Variants in CPA6 observed in about 807,000 individuals in gnomAD.
The protein encoded by CPA6 is carboxypeptidase A6, also known as carboxypeptidase B.
CPA6 carries 58 observed loss-of-function variants against 63.3 expected under a neutral mutation model. That is an observed-to-expected ratio of 0.92 (90% CI 0.74 to 1.14). The LOEUF is 1.14. Ranked by LOEUF, CPA6 falls within the 50% of genes most tolerant of loss-of-function variation. The probability of loss-of-function intolerance (pLI) is 0.00; values close to 1 mark genes in which losing one functional copy is unlikely to be tolerated. For missense variants in CPA6, 565 were observed against 526.6 expected (o/e 1.07, Z -0.71); for synonymous variants, 185 against 179.0 (o/e 1.03, Z -0.27).
rs1458724121 is a variant in CPA6 at position 67,559,960 on chromosome 8, G to A, written c.193-41913C>T. ...AACTTCTACCATGTAAGGACACAGT[G>A]GGAAGATGCCATCTCTCAATCTGGA... On this transcript the variant is annotated intron_variant, in intron 2 of 10. Coordinates refer to ENST00000297770, the MANE Select transcript of CPA6 (RefSeq NM_020361.5). 2.6e-5 allele frequency among the ~76,000 whole-genome samples: 4 copies of A among 151,896 alleles called. No individual in the cohort carries two copies. In the East Asian group the frequency reaches 7.7e-4, roughly 29 times the overall value.
At chr8:67,745,757 C>T (rs1193546819) in intron 1 of CPA6, among the ~76,000 whole-genome samples, 1 of 152,170 alleles carries the variant, frequency 6.6e-6, no homozygotes, top group Admixed American at 6.5e-5. Context: ...AAGACAGAAT[C>T]CCATTCAACC....
At chr8:67,572,675 G>C (rs911657571) in intron 2 of CPA6, among the ~76,000 whole-genome samples, 3 of 152,132 alleles carry the variant, frequency 2.0e-5, no homozygotes, top group African/African-American at 7.2e-5. Context: ...TCAAGAACCT[G>C]AAGTCTTCAT....
At chr8:67,670,085 T>C (rs974611126) in intron 1 of CPA6, among the ~76,000 whole-genome samples, 8 of 152,248 alleles carry the variant, frequency 5.3e-5, no homozygotes, top group Non-Finnish European at 1.2e-4. Context: ...ATCTCTCCAA[T>C]TACCCATCTA....
intron 8 of CPA6, among the ~76,000 whole-genome samples, chr8:67,455,250 G>A (rs536957269): frequency 3.3e-5 from 5 of 152,110 alleles, no homozygotes; most frequent in African/African-American, 7.2e-5. Flanking sequence ...ACGAAGCAGC[G>A]CAGTGACAGG....
At chr8:67,655,731 A>C (rs959977953) in intron 1 of CPA6, among the ~76,000 whole-genome samples, 3 of 151,962 alleles carry the variant, frequency 2.0e-5, no homozygotes, top group African/African-American at 7.3e-5. Context: ...CCCCTGTGTG[A>C]CTCTAAGGGC....
At chr8:67,480,268 T>A (rs1811330185) in intron 8 of CPA6, among the ~76,000 whole-genome samples, 1 of 152,124 alleles carries the variant, frequency 6.6e-6, no homozygotes, top group Non-Finnish European at 1.5e-5. Flanking sequence ...TTTCAGTATA[T>A]TCACAATTGT....
chr8:67,586,568 G>C (rs1813943384), intron 2 of CPA6, among the ~76,000 whole-genome samples: 1 of 152,156 alleles, frequency 6.6e-6, no homozygotes, highest in African/African-American at 2.4e-5. Context: ...ACCTCAGCGG[G>C]TAATGATAAT....
At chr8:67,445,908 C>T (rs1810399916) in intron 8 of CPA6, among the ~76,000 whole-genome samples, 1 of 151,964 alleles carries the variant, frequency 6.6e-6, no homozygotes, top group Non-Finnish European at 1.5e-5. Context: ...GAAAAAAGAA[C>T]ATGCAATTGT....
chr8:67,710,419 C>T (rs977794050), intron 1 of CPA6, among the ~76,000 whole-genome samples: 6 of 149,840 alleles, frequency 4.0e-5, no homozygotes, highest in Non-Finnish European at 8.9e-5. Context: ...CCCCAACCCC[C>T]CACCCCGAAA....
At chr8:67,631,338 T>C (rs1815324492) in intron 1 of CPA6, among the ~76,000 whole-genome samples, 1 of 152,246 alleles carries the variant, frequency 6.6e-6, no homozygotes, top group East Asian at 1.9e-4. Flanking sequence ...TATGTCTAGC[T>C]AGAGGATTGT....
intron 2 of CPA6, among the ~76,000 whole-genome samples, chr8:67,537,018 A>G (rs973961425): frequency 1.6e-4 from 24 of 152,266 alleles, no homozygotes; most frequent in African/African-American, 4.1e-4. Context: ...TGTATGTTAA[A>G]CCAGACTTGC....
intron 8 of CPA6, among the ~76,000 whole-genome samples, chr8:67,457,806 G>A (rs886518059): frequency 1.3e-5 from 2 of 152,030 alleles, no homozygotes; most frequent in Non-Finnish European, 2.9e-5. Flanking sequence ...GTTCTCTTCT[G>A]TAGACCCCAC....
intron 2 of CPA6, among the ~76,000 whole-genome samples, chr8:67,552,471 G>C (rs530096311): frequency 3.4e-4 from 52 of 152,160 alleles, no homozygotes; most frequent in African/African-American, 1.2e-3. Context: ...TAGTACTTTT[G>C]AACATATTAT....
At chr8:67,435,370 C>T (rs992664698) in intron 8 of CPA6, among the ~76,000 whole-genome samples, 25 of 151,972 alleles carry the variant, frequency 1.6e-4, no homozygotes, top group African/African-American at 4.8e-4. Context: ...TCTCGCCATC[C>T]CTCCCCCCAG....
At chr8:67,546,791 C>T (rs558524636) in intron 2 of CPA6, among the ~76,000 whole-genome samples, 47 of 152,268 alleles carry the variant, frequency 3.1e-4, no homozygotes, top group African/African-American at 1.1e-3. Flanking sequence ...GTAGCAGAGA[C>T]TACAGGTGTG....
intron 8 of CPA6, among the ~76,000 whole-genome samples, chr8:67,471,304 T>C (rs898278520): frequency 1.3e-5 from 2 of 152,214 alleles, no homozygotes; most frequent in African/African-American, 4.8e-5. Flanking sequence ...CTGCACTGTC[T>C]AGCATGTGTA....
intron 1 of CPA6, among the ~76,000 whole-genome samples, chr8:67,633,027 A>G (rs1815380003): frequency 6.6e-6 from 1 of 152,172 alleles, no homozygotes. Context: ...ACCTACTATA[A>G]TTTTGGATTT....
rs1371797833 is a variant in CPA6, at chr8:67,422,688, A to C, written c.1130T>G (p.Val377Gly). 1 of 1,606,724 alleles carries C rather than the reference A, an allele frequency of 6.2e-7. No individual in the cohort carries two copies. Among genetic ancestry groups the C allele is most frequent in the Non-Finnish European group, 8.5e-7 (1 of 1,177,674 alleles). ...CCAATCCATTGAGCTACCAGAGCTC[A>C]CATCTAAAAGTTAAAACAAAAAAAA... ...RYGPASTTLY[V>G]SSGSSMDWAY... is the part of the protein sequence containing the mutation. Residue 377 changes from valine (V) to glycine (G), a missense_variant, in exon 11 of 11, where the codon GTG (valine) becomes GGG (glycine). Physicochemically the swap from Val to Gly is moderately radical, Grantham distance 109. Coordinates refer to ENST00000297770, the MANE Select transcript of CPA6 (RefSeq NM_020361.5).
chr8:67,447,945 A>G (rs1810467350), intron 8 of CPA6, among the ~76,000 whole-genome samples: 1 of 152,026 alleles, frequency 6.6e-6, no homozygotes. Context: ...CCACCACGCC[A>G]GGCTAATTTT....
Sources: gnomAD v4.1 joint callset for allele counts (sites outside exome capture counted in the v4.1 genomes callset) on GRCh38, gnomAD v4.1.1 for gene constraint, MANE v1.5 for transcripts, NCBI Gene and HGNC (gene_info 2026-07-23, HGNC 2026-07-21) for gene names.